Variants in HNF4G observed in about 807,000 individuals in gnomAD.
HNF4G encodes the protein hepatocyte nuclear factor 4 gamma.
A neutral mutation model predicts 50.9 loss-of-function variants in HNF4G; 21 were observed. The ratio of observed to expected loss-of-function variants is 0.41; its 90% CI spans 0.29 to 0.59. The LOEUF (loss-of-function observed/expected upper bound fraction) is 0.59, where lower values mean the gene tolerates loss of function less well. Among genes scored for constraint, HNF4G ranks in the 20% least tolerant of loss-of-function variants. The pLI, the probability that HNF4G is intolerant of heterozygous loss-of-function variation, is 0.26. For synonymous variants in HNF4G, 198 were observed against 185.6 expected, an observed-to-expected ratio of 1.07 and a Z score of -0.54; for missense variants, 527 against 559.4, an observed-to-expected ratio of 0.94 and a Z score of 0.58.
At chr8:75,453,910 A>C (rs1811651251) in intron 1 of HNF4G, among the ~76,000 whole-genome samples, 1 of 152,150 alleles carries the variant, frequency 6.6e-6, no homozygotes, top group Non-Finnish European at 1.5e-5. Context: ...TTATATGTTA[A>C]AGTCCCAATG....
At chr8:75,514,325 T>C (rs1268410541) in intron 2 of HNF4G, among the ~76,000 whole-genome samples, 1 of 150,016 alleles carries the variant, frequency 6.7e-6, no homozygotes, top group Non-Finnish European at 1.5e-5. Flanking sequence ...TTCTTTTTCT[T>C]TTTCTTTTTT....
chr8:75,441,608 T>C (rs538350001), intron 1 of HNF4G, among the ~76,000 whole-genome samples: 1 of 152,188 alleles, frequency 6.6e-6, no homozygotes, highest in African/African-American at 2.4e-5. Context: ...TTACAGCAGA[T>C]CTTGATAACT....
At chr8:75,433,901 CTT>C (rs1011583472) in intron 1 of HNF4G, among the ~76,000 whole-genome samples, 60 of 151,756 alleles carry the variant, frequency 4.0e-4, no homozygotes, top group Admixed American at 1.1e-3. Context: ...TAACTATAGT[CTT>C]TGACTTTAGC....
chr8:75,503,297 A>T (rs1033497218), intron 2 of HNF4G, among the ~76,000 whole-genome samples: 3 of 152,202 alleles, frequency 2.0e-5, no homozygotes, highest in African/African-American at 7.2e-5. Flanking sequence ...ATAAAGAGAA[A>T]AATGGCGATC....
chr8:75,468,185 C>A (rs1304629147), intron 1 of HNF4G, among the ~76,000 whole-genome samples: 1 of 152,096 alleles, frequency 6.6e-6, no homozygotes, highest in Non-Finnish European at 1.5e-5. Context: ...TATAGTTTTT[C>A]TAGTTGTATA....
intron 1 of HNF4G, among the ~76,000 whole-genome samples, chr8:75,435,315 A>T (rs1349730979): frequency 6.6e-6 from 1 of 152,228 alleles, no homozygotes; most frequent in African/African-American, 2.4e-5. Flanking sequence ...CAGTCATCTT[A>T]CAAATACAGA....
chr8:75,449,846 G>A (rs1197831770), intron 1 of HNF4G, among the ~76,000 whole-genome samples: 1 of 152,018 alleles, frequency 6.6e-6, no homozygotes, highest in Non-Finnish European at 1.5e-5. Context: ...TTATGATACT[G>A]GTTTGAGAAA....
At chr8:75,471,200 G>A (rs1056714754) in intron 1 of HNF4G, among the ~76,000 whole-genome samples, 3 of 152,068 alleles carry the variant, frequency 2.0e-5, no homozygotes, top group African/African-American at 7.2e-5. Context: ...TGATTGAGTT[G>A]GTGATGAAAT....
chr8:75,473,911 A>C (rs1243455905), intron 1 of HNF4G, among the ~76,000 whole-genome samples: 1 of 152,204 alleles, frequency 6.6e-6, no homozygotes, highest in Non-Finnish European at 1.5e-5. Flanking sequence ...AATTGTGAAC[A>C]ATTTCACAGA....
intron 2 of HNF4G, among the ~76,000 whole-genome samples, chr8:75,514,216 AT>A (rs1227586179): frequency 3.3e-5 from 5 of 151,458 alleles, no homozygotes; most frequent in Admixed American, 6.6e-5. Flanking sequence ...ATGTATAATG[AT>A]TTTTTTTGGT....
At chr8:75,518,468 A>T (rs1027976127) in intron 2 of HNF4G, among the ~76,000 whole-genome samples, 23 of 152,094 alleles carry the variant, frequency 1.5e-4, no homozygotes, top group Admixed American at 1.4e-3. Context: ...TGACCCAGCC[A>T]TCCCATTACT....
intron 1 of HNF4G, among the ~76,000 whole-genome samples, chr8:75,422,543 G>A (rs1238081344): frequency 6.6e-6 from 1 of 152,010 alleles, no homozygotes; most frequent in African/African-American, 2.4e-5. Flanking sequence ...TAGATTTTAA[G>A]TTTTTTTAAA....
At position 75,409,480 on chromosome 8, in the gene HNF4G, C is replaced by CTTTT. The variant is rs5892492; in HGVS notation, c.-144+1339_-144+1342dup. On this transcript the variant is annotated intron_variant, in intron 1 of 10. Coordinates refer to the HNF4G transcript ENST00000354370. ...AGTATTTGTTTTTGAGTGCCTTGTT[C>CTTTT]TTTTTTTTTTTTTTTTTTTTTTTTC... Among the ~76,000 whole-genome samples the CTTTT allele has an allele frequency of 1.1e-3, 76 of 67,336 alleles. 3 individuals carry two copies. The highest frequency in any genetic ancestry group is 3.3e-3 in the African/African-American group (55 of 16,608). 44.2% of individuals were successfully genotyped at this position (67,336 alleles called of 152,430 possible). A position where few individuals can be genotyped will look rare whatever the true frequency, so the allele number is the denominator to read the frequency against.
At chr8:75,505,947 G>T (rs1031475059) in intron 2 of HNF4G, among the ~76,000 whole-genome samples, 2 of 151,910 alleles carry the variant, frequency 1.3e-5, no homozygotes, top group African/African-American at 4.8e-5. Flanking sequence ...AATTAGAAAT[G>T]ACATCTCTAG....
intron 1 of HNF4G, among the ~76,000 whole-genome samples, chr8:75,450,835 G>C (rs1304958191): frequency 6.6e-6 from 1 of 152,138 alleles, no homozygotes; most frequent in Non-Finnish European, 1.5e-5. Context: ...ACTATCATGG[G>C]AGTGGGTCAT....
chr8:75,475,023 T>C (rs551981189), intron 1 of HNF4G, among the ~76,000 whole-genome samples: 13 of 142,600 alleles, frequency 9.1e-5, no homozygotes, highest in African/African-American at 3.4e-4. Context: ...TTAATTTATT[T>C]TTTGAGACGG....
chr8:75,491,492 T>A (rs1030315721), intron 2 of HNF4G, among the ~76,000 whole-genome samples: 1 of 151,792 alleles, frequency 6.6e-6, no homozygotes, highest in African/African-American at 2.4e-5. Flanking sequence ...TTTTTTTTTT[T>A]AAGACAGGAT....
chr8:75,524,049 C>T (rs1402421616), intron 2 of HNF4G, among the ~76,000 whole-genome samples: 2 of 151,792 alleles, frequency 1.3e-5, no homozygotes, highest in Non-Finnish European at 2.9e-5. Flanking sequence ...CAGAAAAGTG[C>T]ACAGATTATC....
rs551237557 is a variant in HNF4G at position 75,544,000 on chromosome 8, G to C, written c.287+21G>C. 9.7e-6 allele frequency: 15 copies of C among 1,552,604 alleles called. No homozygotes were observed. The East Asian group carries it at 3.4e-4, about 35-fold the overall frequency. ...TGCAGGTACTTTAAATGCCCTTTTA[G>C]GCAAGTTATCTTTACAGATGTTTCA... On this transcript the variant is annotated intron_variant, in intron 2 of 9. Coordinates refer to ENST00000396423, the MANE Select transcript of HNF4G (RefSeq NM_004133.5).
Sources: gnomAD v4.1 joint callset for allele counts (sites outside exome capture counted in the v4.1 genomes callset) on GRCh38, gnomAD v4.1.1 for gene constraint, MANE v1.5 for transcripts, NCBI Gene and HGNC (gene_info 2026-07-23, HGNC 2026-07-21) for gene names.